Variants in PKD1 observed in about 807,000 individuals in gnomAD.
PKD1 encodes polycystin-1.
Under a neutral mutation model 361.7 loss-of-function variants are expected in PKD1, and 81 were observed. The observed-to-expected ratio is 0.22, with a 90% confidence interval of 0.19 to 0.27. PKD1 has a LOEUF of 0.27. Ranked by LOEUF, PKD1 falls within the 10% of genes least tolerant of loss-of-function variation. The probability of loss-of-function intolerance (pLI) is 1.00; values close to 1 mark genes in which losing one functional copy is unlikely to be tolerated. For synonymous variants in PKD1, 3,615 were observed against 2,818.3 expected, an observed-to-expected ratio of 1.28 and a Z score of -8.95; for missense variants, 6,399 against 6,118.3, an observed-to-expected ratio of 1.05 and a Z score of -1.53.
rs1278329010 is a variant in PKD1 at position 2,111,131 on chromosome 16, T to C, written c.4036A>G (p.Thr1346Ala). Residue 1346 changes from threonine to alanine, a missense_variant, in exon 15 of 46, where the codon ACA (threonine) becomes GCA (alanine). Coordinates refer to ENST00000262304, the MANE Select transcript of PKD1 (RefSeq NM_001009944.3). The stretch of plus-strand genomic sequence containing the variant: ...GTGCCGCTCCGCGTGAAGTTGTGTG[T>C]CACCGTCGGGCACCCCCGCACGGTC... ...NTTVRGCPTV[T>A]HNFTRSGTFP... is the part of the protein sequence containing the mutation. The C allele has an allele frequency of 6.2e-7, 1 of 1,610,946 alleles. No individual in the cohort carries two copies. Among genetic ancestry groups the C allele is most frequent in the Admixed American group, 1.7e-5 (1 of 60,002 alleles).
rs150049665 is a variant in PKD1, at chr16:2,112,368, G to A, written c.3267C>T (p.His1089=). The A allele has an allele frequency of 7.5e-5, 119 of 1,586,912 alleles. No individual in the cohort carries two copies. The highest frequency in any genetic ancestry group is 8.9e-5 in the Non-Finnish European group (105 of 1,174,194). The change falls in exon 14 of 46, where the codon CAC becomes CAT. Residue 1089 remains histidine (H), a synonymous_variant. Coordinates refer to ENST00000262304, the MANE Select transcript of PKD1 (RefSeq NM_001009944.3). ...GGGCAGCGTAGGTGTGCATGACATT[G>A]TGCTCCACCAGCACCTGGGCCACCG... is the stretch of plus-strand genomic sequence containing the variant. ...DPSVAQVLVE[H]NVMHTYAAPG... is the part of the protein sequence containing the mutation.
At chr16:2,113,514 G>A (rs1173379434) in intron 11 of PKD1, among the ~76,000 whole-genome samples, 1 of 152,120 alleles carries the variant, frequency 6.6e-6, no homozygotes, top group Non-Finnish European at 1.5e-5. Context: ...CAACCTCTCT[G>A]TGCCTCAGTT....
intron 32 of PKD1, 47 bp from the exon 33 acceptor site, chr16:2,097,550 C>G: frequency 5.6e-6 from 9 of 1,603,668 alleles, no homozygotes; most frequent in Non-Finnish European, 7.6e-6. Context: ...GTGTCACACA[C>G]ACAGCCCACC....
chr16:2,093,464 A>G (rs2091694659), intron 37 of PKD1, 80 bp downstream of exon 37: 2 of 1,312,854 alleles, frequency 1.5e-6, no homozygotes. Flanking sequence ...AAAGGGGGAC[A>G]GGAGTGTCCT....
intron 1 of PKD1, among the ~76,000 whole-genome samples, chr16:2,130,590 C>T (rs1296031530): frequency 2.6e-5 from 4 of 152,216 alleles, no homozygotes; most frequent in Non-Finnish European, 5.9e-5. Flanking sequence ...TCTCAGGATC[C>T]AGGGACCAGA....
Position 2,111,452 on chromosome 16 carries a change from C to T in PKD1, c.3715G>A (p.Asp1239Asn), listed in dbSNP as rs371550989. The change falls in exon 15 of 46, where the codon GAC becomes AAC. Residue 1239 changes from aspartate (D) to asparagine (N), a missense_variant. Coordinates refer to ENST00000262304, the MANE Select transcript of PKD1 (RefSeq NM_001009944.3). ...VVVSAAVQTG[D>N]NITWTFDMGD... is the part of the protein sequence containing the mutation. ...ATGTCGAAGGTCCACGTGATGTTGT[C>T]GCCCGTCTGCACCGCGGCGCTGACC... 9.3e-6 allele frequency: 15 copies of T among 1,611,834 alleles called. No individual in the cohort carries two copies. Among genetic ancestry groups the T allele is most frequent in the African/African-American group, 4.0e-5 (3 of 75,012 alleles).
At chr16:2,133,972 C>T (rs2092919074) in intron 1 of PKD1, among the ~76,000 whole-genome samples, 1 of 150,246 alleles carries the variant, frequency 6.7e-6, no homozygotes, top group Non-Finnish European at 1.5e-5. Flanking sequence ...CGGACAGCTC[C>T]TGAGGGGCTG....
At chr16:2,105,827 T>C (rs1304954259) in intron 20 of PKD1, 38 bp downstream of exon 20, 3 of 1,583,618 alleles carry the variant, frequency 1.9e-6, no homozygotes, top group East Asian at 2.2e-5. Flanking sequence ...CAAGCACGCA[T>C]GCAGCAGATG....
At chr16:2,091,393 GGC>G in intron 42 of PKD1, 28 bp downstream of exon 42, 1 of 1,098,012 alleles carries the variant, frequency 9.1e-7, no homozygotes, top group Non-Finnish European at 1.1e-6. Flanking sequence ...GCCGGTGGGA[GGC>G]GCGGGGTCTG....
At chr16:2,098,062 A>G in intron 30 of PKD1, 78 bp from the exon 31 acceptor site, 1 of 738,250 alleles carries the variant, frequency 1.4e-6, no homozygotes, top group South Asian at 1.4e-5. Context: ...CCTCCTCAGC[A>G]GACAGGACAG....
intron 34 of PKD1, 40 bp downstream of exon 34, chr16:2,097,108 C>T: frequency 6.8e-7 from 1 of 1,467,316 alleles, no homozygotes; most frequent in Non-Finnish European, 9.3e-7. Flanking sequence ...CCCGGCCCCT[C>T]CTCTGGCAAT....
Position 2,117,001 on chromosome 16 carries a change from G to A in PKD1, c.1438C>T (p.Pro480Ser). 6.3e-7 allele frequency: 1 copy of A among 1,585,346 alleles called. No homozygotes were observed. The highest frequency in any genetic ancestry group is 8.5e-7 in the Non-Finnish European group (1 of 1,171,936). Reference sequence around the variant, plus strand: ...CTGAAGGCCTCGCCCTGCGGCGCTGGGCCCACCTCCACCCCCTGCACAGTC... The same window carrying A: ...CTGAAGGCCTCGCCCTGCGGCGCTGAGCCCACCTCCACCCCCTGCACAGTC... Reference protein sequence around the residue: ...FSTVQGVEVGPAPQGEAFSLE... With the variant: ...FSTVQGVEVGSAPQGEAFSLE... The change falls in exon 7 of 46, where the codon CCA (proline) becomes TCA (serine). Residue 480 changes from proline (P) to serine (S), a missense_variant. Physicochemically the swap from Pro to Ser is moderately conservative, Grantham distance 74 (BLOSUM62 -1). Coordinates refer to ENST00000262304, the MANE Select transcript of PKD1 (RefSeq NM_001009944.3).
intron 1 of PKD1, chr16:2,120,112 A>G (rs2092696688): frequency 3.6e-6 from 2 of 551,634 alleles, no homozygotes; most frequent in Admixed American, 3.3e-5. Flanking sequence ...CGGGAGGTAG[A>G]GGAGAGAAAA....
At position 2,108,653 on chromosome 16, in the gene PKD1, G is replaced by C. The variant is rs762002707; in HGVS notation, c.6514C>G (p.His2172Asp). ...RRSQRNYLEA[H>D]VDLRDCVTYQ... ...GTGACGCAGTCGCGCAGGTCAACGTGGGCCTCCAAGTAGTTGCGCTGTGAT... is the reference window on the plus strand; with the variant it reads ...GTGACGCAGTCGCGCAGGTCAACGTCGGCCTCCAAGTAGTTGCGCTGTGAT... The change falls in exon 15 of 46, where the codon CAC (histidine) becomes GAC (aspartate). Residue 2172 changes from histidine (H) to aspartate (D), a missense_variant. Coordinates refer to ENST00000262304, the MANE Select transcript of PKD1 (RefSeq NM_001009944.3). The C allele has an allele frequency of 6.4e-7, 1 of 1,563,406 alleles. No homozygotes were observed. The highest frequency in any genetic ancestry group is 2.2e-4 in the Middle Eastern group (1 of 4,466).
chr16:2,118,488 G>A lies in PKD1; in HGVS notation c.530-26C>T, dbSNP rs1410838857. 3.0e-5 allele frequency: 40 copies of A among 1,326,852 alleles called. No individual in the cohort carries two copies. The highest frequency in any genetic ancestry group is 2.2e-4 in the East Asian group (9 of 40,166). 82.2% of individuals were successfully genotyped at this position (1,326,852 alleles called of 1,614,324 possible). On this transcript the variant is annotated intron_variant, in intron 4 of 45. Transcript: ENST00000262304. The surrounding 1 kb of genome is among the most constrained non-coding windows in gnomAD (Gnocchi z 6.0). ...CTAGAAGAGGCAGCCACTGGACCCC[G>A]GGTTCTGCTCCTCCTGGCTCCACCC... is the stretch of plus-strand genomic sequence containing the variant.
At position 2,092,738 on chromosome 16, in the gene PKD1, T is replaced by G. The variant is rs541783199; in HGVS notation, c.11157-146A>C. 97 of 831,736 alleles carry G rather than the reference T, an allele frequency of 1.2e-4. No homozygotes were observed. In the African/African-American group the frequency reaches 1.4e-3, roughly 12 times the overall value. 51.5% of individuals were successfully genotyped at this position (831,736 alleles called of 1,614,324 possible). Reference sequence around the variant, plus strand: ...GCTTCTCAGCCTTATCCTGGGGATGTTCTGGGGCAGACAGTTGTCTGTCAT... The same window carrying G: ...GCTTCTCAGCCTTATCCTGGGGATGGTCTGGGGCAGACAGTTGTCTGTCAT... On this transcript the variant is annotated intron_variant, in intron 38 of 45. Coordinates refer to ENST00000262304, the MANE Select transcript of PKD1 (RefSeq NM_001009944.3).
rs1166778444 is a variant in PKD1 at position 2,108,260 on chromosome 16, A to T, written c.6907T>A (p.Ser2303Thr). ...PLSFHWACVA[S>T]TQREAGGCAL... The stretch of plus-strand genomic sequence containing the variant: ...CCCTGCCACGCACTGACCTGTGTCG[A>T]AGCCACACAGGCCCAGTGGAAACTG... Residue 2303 changes from serine to threonine, a missense_variant, in exon 15 of 46, where the codon TCG (serine) becomes ACG (threonine). Physicochemically the swap from Ser to Thr is moderately conservative, Grantham distance 58. Transcript: ENST00000262304. 2 of 1,599,196 alleles carry T rather than the reference A, an allele frequency of 1.3e-6. No homozygotes were observed. Among genetic ancestry groups the T allele is most frequent in the Non-Finnish European group, 1.7e-6 (2 of 1,171,356 alleles).
intron 34 of PKD1, among the ~76,000 whole-genome samples, chr16:2,094,524 C>A (rs955719498): frequency 6.6e-6 from 1 of 152,190 alleles, no homozygotes; most frequent in African/African-American, 2.4e-5. Flanking sequence ...TGCAATGAGC[C>A]CCCCTTCAAC....
At chr16:2,104,421 G>A (rs2854576) in intron 22 of PKD1, 77 bp downstream of exon 22, 79 of 1,105,634 alleles carry the variant, frequency 7.1e-5, no homozygotes, top group South Asian at 2.4e-4. Context: ...CAAAGGCGAC[G>A]CGGTTGGGGG....
Sources: gnomAD v4.1 joint callset for allele counts (sites outside exome capture counted in the v4.1 genomes callset) on GRCh38, gnomAD v4.1.1 for gene constraint, Gnocchi (gnomAD v3.1) non-coding constraint, MANE v1.5 for transcripts, NCBI Gene and HGNC (gene_info 2026-07-23, HGNC 2026-07-21) for gene names.